RAB17: variants seen among roughly 807,000 people sequenced by gnomAD.
RAB17 encodes ras-related protein Rab-17.
RAB17 carries 15 observed loss-of-function variants against 19.3 expected under a neutral mutation model. That is an observed-to-expected ratio of 0.78 (90% CI 0.52 to 1.20). The LOEUF (loss-of-function observed/expected upper bound fraction) is 1.20, where lower values mean the gene tolerates loss of function less well. Ranked by LOEUF, RAB17 falls within the 50% of genes most tolerant of loss-of-function variation. The pLI is 0.00. For synonymous variants in RAB17, 110 were observed against 112.8 expected, an observed-to-expected ratio of 0.97 and a Z score of 0.16; for missense variants, 262 against 269.3, an observed-to-expected ratio of 0.97 and a Z score of 0.19.
rs2280289 is a variant in RAB17, at chr2:237,575,086, A to G, written c.572T>C (p.Leu191Pro). The change falls in exon 6 of 6, where the codon CTA becomes CCA. Residue 191 changes from leucine to proline, a missense_variant. Leu to Pro is a moderately conservative substitution (Grantham distance 98, BLOSUM62 -3). Coordinates refer to ENST00000264601, the MANE Select transcript of RAB17 (RefSeq NM_022449.4). ...CAGAGCCACAGCTGCATCCCCCCGT[A>G]GAGCCTGGCCCTCCTCGTCGCTTCT... ...LQRSDEEGQA[L>P]RGDAAVALNK... 0.2 allele frequency: 319,204 copies of G among 1,612,922 alleles called. 42,243 individuals are homozygous for G. Among genetic ancestry groups the G allele is most frequent in the African/African-American group, 0.65 (48,560 of 74,924 alleles).
At chr2:237,576,201 C>T (rs766447122) in intron 4 of RAB17, among the ~76,000 whole-genome samples, 16 of 152,102 alleles carry the variant, frequency 1.1e-4, no homozygotes, top group Non-Finnish European at 1.9e-4. Flanking sequence ...CACCATCCAC[C>T]ATCGTGAGTG....
At position 237,575,364 on chromosome 2, in the gene RAB17, TGGCCCAC is replaced by T; in HGVS notation, c.529+16_529+22del. ...CAGGGACAAGCACCTCCCCCTTGTC[TGGCCCAC>T]GGGGACGTGACTCACCCACTGTATT... is the stretch of plus-strand genomic sequence containing the variant. On this transcript the variant is annotated intron_variant, in intron 5 of 5. Transcript: ENST00000264601. 1.9e-6 allele frequency: 3 copies of T among 1,581,470 alleles called. 1 individual carries two copies. In the South Asian group the frequency reaches 3.4e-5, roughly 18 times the overall value.
chr2:237,590,354 A>T (rs2081384783), intron 1 of RAB17, 113 bp downstream of exon 1: 2 of 152,260 alleles, frequency 1.3e-5, no homozygotes, highest in African/African-American at 4.8e-5. Context: ...CATGGGTACA[A>T]ACACGTGAGC....
In RAB17 at chr2:237,578,166, G is replaced by A. The variant is rs754103466; in HGVS notation, c.158-11C>T. The A allele has an allele frequency of 6.2e-6, 10 of 1,603,532 alleles. No homozygotes were observed. Among genetic ancestry groups the A allele is most frequent in the Non-Finnish European group, 8.5e-6 (10 of 1,171,852 alleles). On this transcript the variant is annotated splice_polypyrimidine_tract_variant and intron_variant, in intron 2 of 5. Coordinates refer to ENST00000264601, the MANE Select transcript of RAB17 (RefSeq NM_022449.4). Reference sequence around the variant, plus strand: ...TTGTGAAGAACGCACCTGAAACAGGGAGGCCCAGAGGGCTTACTCAGAGGA... The same window carrying A: ...TTGTGAAGAACGCACCTGAAACAGGAAGGCCCAGAGGGCTTACTCAGAGGA...
chr2:237,577,338 C>T lies in RAB17; in HGVS notation c.354G>A (p.Glu118=). ...KAQQWLKDLE[E]ELHPGEVLVM... ...CCAGGACTTCTCCTGGGTGCAGCTC[C>T]TCCTCCAGGTCCTTCAGCCACTGCT... The change falls in exon 4 of 6, where the codon GAG becomes GAA. Residue 118 remains glutamate (E), a synonymous_variant. Transcript: ENST00000264601. 3 of 1,613,848 alleles carry T rather than the reference C, an allele frequency of 1.9e-6. No individual in the cohort carries two copies. The highest frequency in any genetic ancestry group is 2.2e-5 in the East Asian group (1 of 44,868).
intron 2 of RAB17, among the ~76,000 whole-genome samples, chr2:237,581,864 T>C (rs1182385951): frequency 6.6e-6 from 1 of 152,252 alleles, no homozygotes; most frequent in Non-Finnish European, 1.5e-5. Context: ...TGGCTTCAGC[T>C]GGCAAATGTG....
At chr2:237,578,196 G>T (rs780877480) in intron 2 of RAB17, 41 bp from the exon 3 acceptor site, 7 of 1,571,778 alleles carry the variant, frequency 4.5e-6, no homozygotes, top group Admixed American at 1.7e-5. Context: ...AGAGGACGAG[G>T]TTGCCACATG....
At chr2:237,585,701 T>TC (rs2081344217) in intron 2 of RAB17, 1 of 263,432 alleles carries the variant, frequency 3.8e-6, no homozygotes, top group Non-Finnish European at 7.7e-6. Context: ...ACCAGCATAA[T>TC]CCCTCGCACC....
At chr2:237,578,577 G>T (rs778359887) in intron 2 of RAB17, 24 of 165,184 alleles carry the variant, frequency 1.5e-4, no homozygotes, top group Non-Finnish European at 3.2e-4. Context: ...GACCCATCTT[G>T]CACAGAGGCA....
intron 2 of RAB17, among the ~76,000 whole-genome samples, chr2:237,581,623 A>G (rs2081309455): frequency 6.6e-6 from 1 of 152,214 alleles, no homozygotes; most frequent in Middle Eastern, 3.2e-3. Context: ...ATAAACAGCC[A>G]ATTCTGCTCA....
chr2:237,585,023 G>A (rs12465265), intron 2 of RAB17, among the ~76,000 whole-genome samples: 11,807 of 152,228 alleles, frequency 0.078, 584 homozygotes, highest in South Asian at 0.18. Context: ...GTATCCCCTG[G>A]GGATCCTTCA....
At chr2:237,580,759 G>C (rs567690889) in intron 2 of RAB17, among the ~76,000 whole-genome samples, 21 of 152,028 alleles carry the variant, frequency 1.4e-4, no homozygotes, top group Admixed American at 3.3e-4. Flanking sequence ...AAAAGAAGGG[G>C]GGGGAGGAGG....
Position 237,574,792 on chromosome 2 carries a change from A to G in RAB17, c.*227T>C, listed in dbSNP as rs1287522944. ...CACAGGCATCGGGGAATCAGATGGT[A>G]TCAGTGGGGATAGGGCACAGCACTT... is the stretch of plus-strand genomic sequence containing the variant. On this transcript the variant is annotated 3_prime_UTR_variant, in exon 6 of 6. Transcript: ENST00000264601. The G allele has an allele frequency of 9.0e-6, 9 of 995,594 alleles. No individual in the cohort carries two copies. The highest frequency in any genetic ancestry group is 1.9e-5 in the South Asian group (1 of 51,352). 61.7% of individuals were successfully genotyped at this position (995,594 alleles called of 1,614,324 possible).
chr2:237,575,572 T>C (rs2149180541), intron 4 of RAB17, 92 bp from the exon 5 acceptor site: 1 of 976,800 alleles, frequency 1.0e-6, no homozygotes, highest in Non-Finnish European at 1.6e-6. Context: ...CCGAGAAAGC[T>C]GCAGCCGTGG....
intron 2 of RAB17, among the ~76,000 whole-genome samples, chr2:237,581,717 A>AT (rs1459431444): frequency 6.6e-6 from 1 of 152,184 alleles, no homozygotes; most frequent in Non-Finnish European, 1.5e-5. Flanking sequence ...ATGGAAACTT[A>AT]TTTTCTGGGG....
In RAB17 at chr2:237,575,142, G is replaced by A; in HGVS notation, c.530-14C>T. On this transcript the variant is annotated splice_polypyrimidine_tract_variant and intron_variant, in intron 5 of 5. Transcript: ENST00000264601. ...GTAGCTCTTGGGCTGTGAACAGCAA[G>A]AGGAGGGGGCTGGCTAGGGAGGGAA... 6.2e-7 allele frequency: 1 copy of A among 1,605,908 alleles called. No individual in the cohort carries two copies. The highest frequency in any genetic ancestry group is 1.1e-5 in the South Asian group (1 of 90,668).
rs766055129 is a variant in RAB17 at position 237,574,503 on chromosome 2, G to A, written c.*516C>T. ...ACTGCCCCCAGCTGCCCTTCCCAGG[G>A]GCAACTTCACCAAGATGTGGAAATC... On this transcript the variant is annotated 3_prime_UTR_variant, in exon 6 of 6. Coordinates refer to ENST00000264601, the MANE Select transcript of RAB17 (RefSeq NM_022449.4). The A allele has an allele frequency of 1.3e-5, 20 of 1,550,478 alleles. No homozygotes were observed. Among genetic ancestry groups the A allele is most frequent in the Non-Finnish European group, 1.7e-5 (19 of 1,146,930 alleles).
chr2:237,588,922 T>C lies in RAB17; in HGVS notation c.-4+1545A>G, dbSNP rs2081371006. ...GACAATGATATGTCTCTTTGTTTAATGAAGTTATTTTATTTTTGGGCTGGG... is the reference window on the plus strand; with the variant it reads ...GACAATGATATGTCTCTTTGTTTAACGAAGTTATTTTATTTTTGGGCTGGG... On this transcript the variant is annotated intron_variant, in intron 1 of 5. Transcript: ENST00000264601. 2.0e-5 allele frequency among the ~76,000 whole-genome samples: 3 copies of C among 152,338 alleles called. No individual in the cohort carries two copies. The South Asian group carries it at 6.2e-4, about 32-fold the overall frequency.
At position 237,575,477 on chromosome 2, in the gene RAB17, C is replaced by T; in HGVS notation, c.439G>A (p.Gly147Arg). 1.2e-6 allele frequency: 2 copies of T among 1,608,472 alleles called. No homozygotes were observed. Among genetic ancestry groups the T allele is most frequent in the South Asian group, 2.2e-5 (2 of 89,928 alleles). ...SQEREVTFQE[G>R]KEFADSQKLL... ...TTCTGGCTGTCGGCAAACTCCTTCC[C>T]TTCCTGAAGGAAACAGCCACAAAAT... The change falls in exon 5 of 6, where the codon GGG becomes AGG. Residue 147 changes from glycine (G) to arginine (R), a missense_variant. Coordinates refer to ENST00000264601, the MANE Select transcript of RAB17 (RefSeq NM_022449.4).
Sources: gnomAD v4.1 joint callset for allele counts (sites outside exome capture counted in the v4.1 genomes callset) on GRCh38, gnomAD v4.1.1 for gene constraint, MANE v1.5 for transcripts, NCBI Gene and HGNC (gene_info 2026-07-23, HGNC 2026-07-21) for gene names.